The following MAP3K7 variants were observed in gnomAD, a reference collection of about 807,000 sequenced individuals.
MAP3K7 encodes the protein TGF-beta activated kinase 1.
Under a neutral mutation model 84.8 loss-of-function variants are expected in MAP3K7, and 21 were observed. The observed-to-expected ratio is 0.25, with a 90% CI of 0.18 to 0.36. MAP3K7 has a LOEUF of 0.36. MAP3K7 is among the 10% of genes least tolerant of loss of function. The probability of loss-of-function intolerance (pLI) is 1.00; values close to 1 mark genes in which losing one functional copy is unlikely to be tolerated. For missense variants in MAP3K7, 503 were observed against 747.7 expected (o/e 0.67, Z 3.82); for synonymous variants, 241 against 247.7 (o/e 0.97, Z 0.25).
intron 14 of MAP3K7, among the ~76,000 whole-genome samples, chr6:90,520,529 C>T (rs958515140): frequency 2.0e-5 from 3 of 151,924 alleles, no homozygotes; most frequent in African/African-American, 4.8e-5. Context: ...GCACTCAATA[C>T]ATGACGGTAG....
intron 11 of MAP3K7, among the ~76,000 whole-genome samples, chr6:90,546,372 C>T (rs1041435886): frequency 3.9e-5 from 6 of 152,070 alleles, no homozygotes; most frequent in African/African-American, 1.4e-4. Context: ...TGAATATATA[C>T]ATTTATACAC....
intron 1 of MAP3K7, among the ~76,000 whole-genome samples, chr6:90,572,770 A>G (rs181041140): frequency 5.3e-4 from 81 of 152,272 alleles, no homozygotes; most frequent in African/African-American, 1.8e-3. Flanking sequence ...TGAATACTGC[A>G]TGGGTTCATT....
rs930328868 is a variant in MAP3K7 at position 90,534,761 on chromosome 6, T to C, written c.1356+1576A>G. ...ACAGAAAAGCTTTCAAACTAGTAGC[T>C]GCTCCTGACATGTCTTAGGACAAGC... is the stretch of plus-strand genomic sequence containing the variant. On this transcript the variant is annotated intron_variant, in intron 13 of 16. Coordinates refer to ENST00000369329, the MANE Select transcript of MAP3K7 (RefSeq NM_145331.3). Among the ~76,000 whole-genome samples, 5 of 152,330 alleles carry C rather than the reference T, an allele frequency of 3.3e-5. No homozygotes were observed. In the East Asian group the frequency reaches 9.6e-4, roughly 29 times the overall value.
At chr6:90,562,621 C>T (rs914892868) in intron 3 of MAP3K7, among the ~76,000 whole-genome samples, 10 of 152,150 alleles carry the variant, frequency 6.6e-5, no homozygotes, top group African/African-American at 1.4e-4. Context: ...GAGGCCTGCC[C>T]GCCTCTGTAG....
Position 90,516,610 on chromosome 6 carries a change from T to A in MAP3K7, c.1712A>T (p.His571Leu), listed in dbSNP as rs766248028. The A allele has an allele frequency of 6.2e-7, 1 of 1,612,576 alleles. No individual in the cohort carries two copies. The highest frequency in any genetic ancestry group is 8.5e-7 in the Non-Finnish European group (1 of 1,179,082). The change falls in exon 17 of 17, where the codon CAT (histidine) becomes CTT (leucine). Residue 571 changes from histidine (H) to leucine (L), a missense_variant. Around this residue, in one of 5 missense-constraint regions of MAP3K7, gnomAD observed 43 missense variants for 47.3 expected, o/e 0.91. Coordinates refer to ENST00000369329, the MANE Select transcript of MAP3K7 (RefSeq NM_145331.3). ...QQNTSRLVQE[H>L]KKLLDENKSL... ...TTTGTTTTCATCTAAAAGCTTTTTA[T>A]GTTCCTGTACCAGGCGAGATGTATT...
chr6:90,520,571 TAGAA>T (rs34226323), intron 14 of MAP3K7, among the ~76,000 whole-genome samples: 25 of 152,096 alleles, frequency 1.6e-4, no homozygotes, highest in African/African-American at 4.3e-4. Flanking sequence ...AATGGAGAAT[TAGAA>T]AGAACAATTT....
rs762708993 is a variant in MAP3K7, at chr6:90,561,595, G to C, written c.343+27C>G. ...TTTTTCAAATTATTTTAATCCACTA[G>C]ATAAAGACAGGTCTAATGACACTCA... On this transcript the variant is annotated intron_variant, in intron 4 of 16. Coordinates refer to ENST00000369329, the MANE Select transcript of MAP3K7 (RefSeq NM_145331.3). 4.5e-6 allele frequency: 7 copies of C among 1,555,978 alleles called. No individual in the cohort carries two copies. The African/African-American group carries it at 8.2e-5, about 18-fold the overall frequency.
chr6:90,544,759 T>G (rs1459159871), intron 11 of MAP3K7, 127 bp from the exon 12 acceptor site: 1 of 743,010 alleles, frequency 1.3e-6, no homozygotes, highest in Non-Finnish European at 2.3e-6. Flanking sequence ...CAGAATGGCA[T>G]GCAGAACTAC....
intron 9 of MAP3K7, among the ~76,000 whole-genome samples, chr6:90,549,545 A>G (rs1189546411): frequency 6.6e-6 from 1 of 152,148 alleles, no homozygotes; most frequent in Non-Finnish European, 1.5e-5. Context: ...ATTATTCCCA[A>G]AAGAATTATA....
chr6:90,527,486 TG>T (rs1011338867), intron 13 of MAP3K7, among the ~76,000 whole-genome samples: 2 of 152,068 alleles, frequency 1.3e-5, no homozygotes, highest in Non-Finnish European at 2.9e-5. Context: ...AGGCTGGTCT[TG>T]AACTCCTGGG....
intron 1 of MAP3K7, among the ~76,000 whole-genome samples, chr6:90,577,465 T>A (rs1297265256): frequency 6.6e-6 from 1 of 150,946 alleles, no homozygotes; most frequent in East Asian, 1.9e-4. Context: ...GTTTTTCTAG[T>A]CAATCAGTTG....
At chr6:90,583,197 T>C (rs903089905) in intron 1 of MAP3K7, among the ~76,000 whole-genome samples, 2 of 152,188 alleles carry the variant, frequency 1.3e-5, no homozygotes, top group African/African-American at 4.8e-5. Context: ...TTATCTTTTA[T>C]AGTACCTCAG....
intron 4 of MAP3K7, among the ~76,000 whole-genome samples, chr6:90,560,921 T>TA (rs1463501287): frequency 8.5e-5 from 13 of 152,116 alleles, no homozygotes; most frequent in Non-Finnish European, 1.8e-4. Flanking sequence ...TATCAAGATG[T>TA]TTGCACCTGT....
In MAP3K7 at chr6:90,587,044, C is replaced by T; in HGVS notation, c.-161G>A. The T allele has an allele frequency of 1.2e-6, 1 of 810,146 alleles. No individual in the cohort carries two copies. 50.2% of individuals were successfully genotyped at this position (810,146 alleles called of 1,614,324 possible). On this transcript the variant is annotated 5_prime_UTR_variant, in exon 1 of 17. Coordinates refer to ENST00000369329, the MANE Select transcript of MAP3K7 (RefSeq NM_145331.3). ...GTAGAGGCAGCGGCCACAGCCGTGT[C>T]CGGCTCTGGCTCCGCTGCGTTTTCC... is the stretch of plus-strand genomic sequence containing the variant.
rs1158622244 is a variant in MAP3K7 at position 90,519,464 on chromosome 6, A to AT, written c.1463-146dup. 1.5e-5 allele frequency: 9 copies of AT among 613,058 alleles called. No homozygotes were observed. In the East Asian group the frequency reaches 2.5e-4, roughly 17 times the overall value. 38.0% of individuals were successfully genotyped at this position (613,058 alleles called of 1,614,324 possible). ...ACAGCTATTGGTAATTGAAGAGTCTATTTCTGAATTCTAAAGGTTAAAAAA... is the reference window on the plus strand; with the variant it reads ...ACAGCTATTGGTAATTGAAGAGTCTATTTTCTGAATTCTAAAGGTTAAAAAA... On this transcript the variant is annotated intron_variant, in intron 14 of 16. Coordinates refer to ENST00000369329, the MANE Select transcript of MAP3K7 (RefSeq NM_145331.3).
intron 6 of MAP3K7, among the ~76,000 whole-genome samples, chr6:90,554,741 C>T (rs1166676143): frequency 6.6e-6 from 1 of 152,160 alleles, no homozygotes; most frequent in Non-Finnish European, 1.5e-5. Context: ...AACATTGGGT[C>T]ATTTTAACTC....
At position 90,586,747 on chromosome 6, in the gene MAP3K7, TGCCGGGCCTC is replaced by T; in HGVS notation, c.120+7_120+16del. 1 of 1,570,700 alleles carries T rather than the reference TGCCGGGCCTC, an allele frequency of 6.4e-7. No individual in the cohort carries two copies. Among genetic ancestry groups the T allele is most frequent in the South Asian group, 1.2e-5 (1 of 86,686 alleles). ...GGGCAGGCCGGGACCGGCGTCTCCA[TGCCGGGCCTC>T]GCTCACCTCTTCCACCTCGATCTCC... On this transcript the variant is annotated splice_region_variant and intron_variant, in intron 1 of 16. Transcript: ENST00000369329.
chr6:90,523,871 A>G, intron 13 of MAP3K7, 88 bp from the exon 14 acceptor site: 1 of 745,330 alleles, frequency 1.3e-6, no homozygotes, highest in Non-Finnish European at 2.4e-6. Context: ...GCAAGAAGAG[A>G]CTTAGAGATC....
chr6:90,543,513 A>G (rs372453587), intron 12 of MAP3K7, among the ~76,000 whole-genome samples: 1 of 152,082 alleles, frequency 6.6e-6, no homozygotes, highest in African/African-American at 2.4e-5. Flanking sequence ...GATACAATCA[A>G]TAATAAGCAA....
Sources: allele counts gnomAD v4.1 joint callset (sites outside exome capture counted in the v4.1 genomes callset), GRCh38; gene constraint gnomAD v4.1.1; regional missense constraint gnomAD v4.1.1; transcripts MANE v1.5; gene names NCBI Gene and HGNC (gene_info 2026-07-23, HGNC 2026-07-21).